MAP4: variants seen among roughly 807,000 people sequenced by gnomAD.
MAP4 encodes the protein microtubule associated protein 4, also known as microtubule-associated protein 4.
In MAP4, 76 loss-of-function variants were observed where a neutral mutation model predicts 170.2. That is an observed-to-expected ratio of 0.45 (90% confidence interval 0.37 to 0.54). MAP4 has a LOEUF of 0.54. MAP4 is among the 20% of genes least tolerant of loss of function. The probability of loss-of-function intolerance (pLI) is 0.00; values close to 1 mark genes in which losing one functional copy is unlikely to be tolerated. For synonymous variants in MAP4, 909 were observed against 994.5 expected, an observed-to-expected ratio of 0.91 and a Z score of 1.62; for missense variants, 2,506 against 2,748.0, an observed-to-expected ratio of 0.91 and a Z score of 1.97.
chr3:47,966,668 C>A (rs1013187333), intron 3 of MAP4, among the ~76,000 whole-genome samples: 1 of 152,178 alleles, frequency 6.6e-6, no homozygotes, highest in South Asian at 2.1e-4. Context: ...GCATAAACCA[C>A]TGTTCCCAGC....
chr3:47,978,545 G>T (rs2100083533), intron 2 of MAP4, among the ~76,000 whole-genome samples: 1 of 152,106 alleles, frequency 6.6e-6, no homozygotes, highest in Non-Finnish European at 1.5e-5. Context: ...TCAAACTCCT[G>T]ACCTCAGGTG....
chr3:48,085,831 C>G (rs984855257), intron 1 of MAP4, among the ~76,000 whole-genome samples: 2 of 151,888 alleles, frequency 1.3e-5, no homozygotes, highest in African/African-American at 2.4e-5. Context: ...CCGAGGCAGG[C>G]GGAACACGAG....
chr3:48,054,314 A>G (rs2100129466), intron 1 of MAP4, among the ~76,000 whole-genome samples: 1 of 151,472 alleles, frequency 6.6e-6, no homozygotes, highest in Non-Finnish European at 1.5e-5. Flanking sequence ...AAAAAAAACA[A>G]AAAACAAAAA....
intron 1 of MAP4, among the ~76,000 whole-genome samples, chr3:48,064,269 T>C (rs1391271775): frequency 6.6e-6 from 1 of 152,138 alleles, no homozygotes; most frequent in Non-Finnish European, 1.5e-5. Context: ...GTTTGAGATA[T>C]TTTGCAGACC....
intron 10 of MAP4, among the ~76,000 whole-genome samples, chr3:47,888,283 C>A (rs899990140): frequency 6.6e-6 from 1 of 152,178 alleles, no homozygotes; most frequent in Non-Finnish European, 1.5e-5. Flanking sequence ...GCACTGGTAA[C>A]CCGCTCGGGT....
intron 2 of MAP4, among the ~76,000 whole-genome samples, chr3:47,995,375 T>C (rs957470554): frequency 2.0e-5 from 3 of 151,428 alleles, no homozygotes; most frequent in African/African-American, 7.3e-5. Context: ...CTCAGCCTCC[T>C]GAGTACCTGG....
intron 2 of MAP4, among the ~76,000 whole-genome samples, chr3:47,980,890 T>C (rs188374645): frequency 9.3e-4 from 142 of 152,286 alleles, no homozygotes; most frequent in Middle Eastern, 6.8e-3. Flanking sequence ...AAAACTGATA[T>C]CCAGCGAGTG....
chr3:47,991,419 C>T (rs1215132099), intron 2 of MAP4, among the ~76,000 whole-genome samples: 3 of 152,064 alleles, frequency 2.0e-5, no homozygotes, highest in African/African-American at 7.2e-5. Context: ...ACCTGTAATC[C>T]CAGTGCTTTG....
rs1361105224 is a variant in MAP4 at position 48,007,861 on chromosome 3, T to C, written c.-20+8473A>G. On this transcript the variant is annotated intron_variant, in intron 1 of 20. Coordinates refer to ENST00000683076, the MANE Select transcript of MAP4 (RefSeq NM_001385682.1). ...CTAATTTTTGTATTTTTAGTAAAGA[T>C]GGGGTTTCACCATGTTGGCCAGGAT... Among the ~76,000 whole-genome samples the C allele has an allele frequency of 3.9e-5, 6 of 152,018 alleles. No individual in the cohort carries two copies. In the South Asian group the frequency reaches 6.2e-4, roughly 16 times the overall value.
intron 1 of MAP4, among the ~76,000 whole-genome samples, chr3:48,060,938 A>G (rs2100134860): frequency 6.6e-6 from 1 of 151,976 alleles, no homozygotes; most frequent in Non-Finnish European, 1.5e-5. Context: ...TCCGTCTCCC[A>G]AGTACACGCC....
intron 17 of MAP4, among the ~76,000 whole-genome samples, chr3:47,862,646 T>G (rs544205002): frequency 2.0e-5 from 3 of 152,092 alleles, no homozygotes; most frequent in African/African-American, 7.2e-5. Context: ...CCCAGCTGAT[T>G]TTTTGTATTT....
chr3:47,910,608 C>T lies in MAP4; in HGVS notation c.3813G>A (p.Ser1271=), dbSNP rs529615542. Residue 1271 remains serine, a synonymous_variant, in exon 9 of 21, where the codon TCG becomes TCA. Transcript: ENST00000683076. ...GFTFPKMHDS[S]FSHTPDTPTV... ...TGGGTGTATCTGGTGTATGTGAGAA[C>T]GAAGAATCATGCATTTTGGGGAAAG... The T allele has an allele frequency of 1.1e-4, 175 of 1,536,074 alleles. No individual in the cohort carries two copies. Among genetic ancestry groups the T allele is most frequent in the South Asian group, 2.4e-4 (20 of 84,044 alleles).
At chr3:47,964,754 G>A (rs1000495717) in intron 3 of MAP4, among the ~76,000 whole-genome samples, 3 of 152,252 alleles carry the variant, frequency 2.0e-5, no homozygotes, top group East Asian at 1.9e-4. Context: ...CAGAACAAAC[G>A]TACAAAATAC....
chr3:48,021,317 T>C (rs141966437), upstream of MAP4, among the ~76,000 whole-genome samples: 139 of 152,140 alleles, frequency 9.1e-4, no homozygotes, highest in African/African-American at 3.2e-3. Context: ...AGGTATCAAC[T>C]ATCCCCAAAC....
chr3:48,001,663 C>A (rs141607764), intron 1 of MAP4, among the ~76,000 whole-genome samples: 463 of 151,884 alleles, frequency 3.0e-3, no homozygotes, highest in African/African-American at 0.011. Flanking sequence ...CCACACCCAG[C>A]TAATTTTTGC....
At chr3:47,972,986 T>C (rs1480560429) in intron 3 of MAP4, 1 of 977,884 alleles carries the variant, frequency 1.0e-6, no homozygotes. Flanking sequence ...AGAAGCTATA[T>C]TAGACCTAGA....
At chr3:47,866,306 C>A (rs1326017879) in intron 17 of MAP4, among the ~76,000 whole-genome samples, 1 of 146,740 alleles carries the variant, frequency 6.8e-6, no homozygotes, top group African/African-American at 2.5e-5. Flanking sequence ...CACTGCACGC[C>A]AGCCTGGGCA....
intron 1 of MAP4, among the ~76,000 whole-genome samples, chr3:48,052,189 G>A (rs983978964): frequency 1.3e-5 from 2 of 152,128 alleles, no homozygotes; most frequent in African/African-American, 2.4e-5. Context: ...GAAGGATTAG[G>A]TGGAAGAGTA....
intron 1 of MAP4, among the ~76,000 whole-genome samples, chr3:48,074,843 CT>C (rs953489890): frequency 2.1e-5 from 3 of 143,942 alleles, no homozygotes; most frequent in African/African-American, 8.8e-5. Context: ...AAAAAATATT[CT>C]TGAAAGAAAT....
Sources: allele counts gnomAD v4.1 joint callset (sites outside exome capture counted in the v4.1 genomes callset), GRCh38; gene constraint gnomAD v4.1.1; transcripts MANE v1.5; gene names NCBI Gene and HGNC (gene_info 2026-07-23, HGNC 2026-07-21).